ARAP1: variants seen among roughly 807,000 people sequenced by gnomAD.
ARAP1 encodes arf-GAP with Rho-GAP domain, ANK repeat and PH domain-containing protein 1.
ARAP1 carries 76 observed loss-of-function variants against 172.2 expected under a neutral mutation model. The ratio of observed to expected loss-of-function variants is 0.44; its 90% CI spans 0.37 to 0.53. ARAP1 has a LOEUF of 0.53. Ranked by LOEUF, ARAP1 falls within the 20% of genes least tolerant of loss-of-function variation. The probability of loss-of-function intolerance (pLI) is 0.00; values close to 1 mark genes in which losing one functional copy is unlikely to be tolerated. For synonymous variants in ARAP1, 804 were observed against 803.3 expected (o/e 1.00, Z -0.01); for missense variants, 1,686 against 1,977.5 (o/e 0.85, Z 2.80).
intron 1 of ARAP1, among the ~76,000 whole-genome samples, chr11:72,735,677 G>A (rs777152861): frequency 7.9e-5 from 12 of 152,178 alleles, no homozygotes; most frequent in Non-Finnish European, 1.3e-4. Flanking sequence ...GATAGATGAC[G>A]GTCCCAGCAA....
chr11:72,728,012 C>T (rs1325766502), intron 2 of ARAP1, among the ~76,000 whole-genome samples: 5 of 152,180 alleles, frequency 3.3e-5, no homozygotes, highest in Non-Finnish European at 1.5e-5. Context: ...AACCCAATAT[C>T]CAGCTTACTT....
intron 1 of ARAP1, among the ~76,000 whole-genome samples, chr11:72,737,491 C>T (rs1858067508): frequency 6.6e-6 from 1 of 152,174 alleles, no homozygotes; most frequent in African/African-American, 2.4e-5. Context: ...TGACCTGTTT[C>T]ACCGGCCCAG....
intron 18 of ARAP1, 51 bp downstream of exon 18, chr11:72,698,954 C>T: frequency 2.5e-6 from 4 of 1,588,708 alleles, no homozygotes; most frequent in Non-Finnish European, 3.5e-6. Context: ...CAGGAGGCCC[C>T]ACCTTCCCCA....
chr11:72,748,121 T>C (rs765370121), intron 1 of ARAP1, among the ~76,000 whole-genome samples: 3 of 152,174 alleles, frequency 2.0e-5, no homozygotes, highest in Non-Finnish European at 4.4e-5. Flanking sequence ...AGAAGACTAT[T>C]TTGAGGATTA....
intron 30 of ARAP1, 91 bp from the exon 31 acceptor site, chr11:72,688,628 C>T: frequency 1.8e-6 from 2 of 1,099,250 alleles, no homozygotes; most frequent in South Asian, 1.4e-5. Flanking sequence ...CTTCCAACTC[C>T]CCAGCCCTCT....
intron 4 of ARAP1, 85 bp downstream of exon 4, chr11:72,714,067 T>C: frequency 7.5e-7 from 1 of 1,328,458 alleles, no homozygotes; most frequent in Non-Finnish European, 9.8e-7. Flanking sequence ...GAAAGGAGTG[T>C]GATCCTTGCA....
At chr11:72,718,490 G>A (rs1457301508) in intron 3 of ARAP1, among the ~76,000 whole-genome samples, 2 of 151,638 alleles carry the variant, frequency 1.3e-5, no homozygotes, top group Non-Finnish European at 2.9e-5. Context: ...TCTCCCTCCC[G>A]TAGCCCACAG....
At chr11:72,685,959 G>A in intron 34 of ARAP1, 83 bp downstream of exon 34, 1 of 1,610,116 alleles carries the variant, frequency 6.2e-7, no homozygotes, top group Non-Finnish European at 8.5e-7. Flanking sequence ...AGGGCAATCA[G>A]GGCAATCATC....
chr11:72,747,051 T>C (rs980710615), intron 1 of ARAP1, among the ~76,000 whole-genome samples: 1 of 152,178 alleles, frequency 6.6e-6, no homozygotes, highest in Non-Finnish European at 1.5e-5. Flanking sequence ...CCTGGTCTTC[T>C]GTCCCGGGGG....
intron 16 of ARAP1, among the ~76,000 whole-genome samples, chr11:72,700,729 C>T (rs779638298): frequency 4.6e-5 from 7 of 152,178 alleles, no homozygotes; most frequent in East Asian, 3.9e-4. Flanking sequence ...GGTAGCCAGG[C>T]GTGGTGACTC....
intron 2 of ARAP1, 105 bp downstream of exon 2, chr11:72,732,410 A>G (rs1384978483): frequency 6.6e-6 from 1 of 152,398 alleles, no homozygotes; most frequent in Non-Finnish European, 1.5e-5. Context: ...AAAATGGAAA[A>G]TGGGCTATCA....
At chr11:72,692,614 G>T (rs1855985903) in intron 30 of ARAP1, 139 bp downstream of exon 30, 3 of 1,102,710 alleles carry the variant, frequency 2.7e-6, no homozygotes, top group Non-Finnish European at 4.1e-6. Context: ...CAGGATAGGG[G>T]CCAGTGCCAA....
At chr11:72,734,149 C>T (rs56952121) in intron 1 of ARAP1, among the ~76,000 whole-genome samples, 2,003 of 152,242 alleles carry the variant, frequency 0.013, 44 homozygotes, top group African/African-American at 0.046. Flanking sequence ...GAGACAGGGT[C>T]TTGCTCTGTT....
At chr11:72,742,786 A>G (rs1001110774) in intron 1 of ARAP1, among the ~76,000 whole-genome samples, 3 of 152,202 alleles carry the variant, frequency 2.0e-5, no homozygotes, top group Admixed American at 6.5e-5. Flanking sequence ...TCCACCTTGC[A>G]GGCTTGTGAG....
chr11:72,722,206 A>G, intron 3 of ARAP1: 1 of 983,720 alleles, frequency 1.0e-6, no homozygotes, highest in Non-Finnish European at 1.2e-6. Context: ...AGTGTGTGTG[A>G]GTGTGTGTGA....
intron 3 of ARAP1, chr11:72,722,424 G>A: frequency 1.1e-6 from 1 of 915,152 alleles, no homozygotes; most frequent in Non-Finnish European, 1.3e-6. Context: ...CCCAAGCTGG[G>A]AAGAGACAAC....
chr11:72,729,603 TA>T (rs1466710868), intron 2 of ARAP1, among the ~76,000 whole-genome samples: 1 of 147,946 alleles, frequency 6.8e-6, no homozygotes, highest in African/African-American at 2.5e-5. Context: ...AAATAAAAAA[TA>T]AAAAATGAAA....
chr11:72,733,983 G>A (rs1857939575), intron 1 of ARAP1, among the ~76,000 whole-genome samples: 1 of 152,032 alleles, frequency 6.6e-6, no homozygotes, highest in African/African-American at 2.4e-5. Flanking sequence ...GTATCACCAT[G>A]CCCAGCTAAT....
rs1328437986 is a variant in ARAP1 at position 72,744,110 on chromosome 11, C to T, written c.-128+8218G>A. Among the ~76,000 whole-genome samples, 6 of 152,152 alleles carry T rather than the reference C, an allele frequency of 3.9e-5. No individual in the cohort carries two copies. In the South Asian group the frequency reaches 8.3e-4, roughly 21 times the overall value. ...ACCTGCTTGAGGAAGCAGTCTCCGA[C>T]TCCCACAGTCACAGCCCTGATCACA... is the stretch of plus-strand genomic sequence containing the variant. On this transcript the variant is annotated intron_variant, in intron 1 of 34. Coordinates refer to ENST00000393609, the MANE Select transcript of ARAP1 (RefSeq NM_001040118.3).
Sources: gnomAD v4.1 joint callset for allele counts (sites outside exome capture counted in the v4.1 genomes callset) on GRCh38, gnomAD v4.1.1 for gene constraint, MANE v1.5 for transcripts, NCBI Gene and HGNC (gene_info 2026-07-23, HGNC 2026-07-21) for gene names.